SCAF8: variants seen among roughly 807,000 people sequenced by gnomAD.
SCAF8 encodes the protein SR-related CTD associated factor 8, also known as SR-related and CTD-associated factor 8.
Under a neutral mutation model 140.5 loss-of-function variants are expected in SCAF8, and 23 were observed. The observed-to-expected ratio is 0.16, with a 90% CI of 0.12 to 0.23. The LOEUF (loss-of-function observed/expected upper bound fraction) is 0.23. Among genes scored for constraint, SCAF8 ranks in the 10% least tolerant of loss-of-function variants. The pLI, the probability that SCAF8 is intolerant of heterozygous loss-of-function variation, is 1.00. For missense variants in SCAF8, 1,397 were observed against 1,555.7 expected (o/e 0.90, Z 1.72); for synonymous variants, 575 against 528.9 (o/e 1.09, Z -1.20).
intron 6 of SCAF8, among the ~76,000 whole-genome samples, chr6:154,795,362 C>T (rs1046415869): frequency 6.6e-6 from 1 of 152,162 alleles, no homozygotes; most frequent in African/African-American, 2.4e-5. Flanking sequence ...TACCAAAATA[C>T]GGAATTAGCA....
Position 154,802,134 on chromosome 6 carries a change from T to C in SCAF8, c.770T>C (p.Val257Ala), listed in dbSNP as rs1252316049. The change falls in exon 7 of 20, where the codon GTC becomes GCC. Residue 257 changes from valine to alanine, a missense_variant. Physicochemically the swap from Val to Ala is moderately conservative, Grantham distance 64. This residue lies in a region of SCAF8 where 339 missense variants were observed against 407.5 expected (regional missense o/e 0.83). Transcript: ENST00000367178. ...ACTCTTACTCCCTTAGAACAGGGAG[T>C]CTCCTTTAACAAGGTAGAAATTAAA... ...ANTLTPLEQGVSFNKKLMDRF... is the reference protein window; with the variant it reads ...ANTLTPLEQGASFNKKLMDRF... 1.9e-6 allele frequency: 3 copies of C among 1,590,990 alleles called. No homozygotes were observed. In the East Asian group the frequency reaches 6.8e-5, roughly 36 times the overall value.
At chr6:154,734,053 A>G in intron 1 of SCAF8, 123 bp downstream of exon 1, 1 of 1,355,250 alleles carries the variant, frequency 7.4e-7, no homozygotes, top group Non-Finnish European at 9.6e-7. Flanking sequence ...GCGGTGGCCT[A>G]GCAGTGCCCG....
At chr6:154,756,398 A>T (rs1305703895) in intron 1 of SCAF8, among the ~76,000 whole-genome samples, 1 of 152,178 alleles carries the variant, frequency 6.6e-6, no homozygotes, top group African/African-American at 2.4e-5. Flanking sequence ...CTCCCGCTCT[A>T]CCTCAGTAGA....
chr6:154,774,885 C>T (rs1464206159), intron 2 of SCAF8, among the ~76,000 whole-genome samples: 2 of 151,928 alleles, frequency 1.3e-5, no homozygotes, highest in Non-Finnish European at 2.9e-5. Context: ...AGATTTTTCC[C>T]CGAGAAGTTC....
At chr6:154,803,907 TTAATTG>T (rs1411799122) in intron 8 of SCAF8, among the ~76,000 whole-genome samples, 1 of 152,208 alleles carries the variant, frequency 6.6e-6, no homozygotes, top group Non-Finnish European at 1.5e-5. Context: ...GTTATTTAAC[TTAATTG>T]TAAGAGTGGT....
intron 1 of SCAF8, among the ~76,000 whole-genome samples, chr6:154,750,257 A>G (rs929058701): frequency 6.6e-6 from 1 of 152,214 alleles, no homozygotes; most frequent in East Asian, 1.9e-4. Context: ...TAGTTTGTAC[A>G]TCTTGAATAT....
intron 5 of SCAF8, 70 bp from the exon 6 acceptor site, chr6:154,794,939 A>ATT: frequency 7.3e-7 from 1 of 1,371,106 alleles, no homozygotes; most frequent in Admixed American, 2.4e-5. Flanking sequence ...AAAACAAGTT[A>ATT]TTCTGCTTTT....
chr6:154,773,956 T>C, intron 1 of SCAF8, 33 bp from the exon 2 acceptor site: 2 of 1,352,412 alleles, frequency 1.5e-6, no homozygotes, highest in African/African-American at 1.4e-5. Context: ...TTGGAGAGTT[T>C]TGCTGTATGT....
intron 1 of SCAF8, among the ~76,000 whole-genome samples, chr6:154,740,574 CAAT>C (rs1015752039): frequency 2.6e-5 from 4 of 151,694 alleles, no homozygotes; most frequent in African/African-American, 9.7e-5. Context: ...CACAGTATCT[CAAT>C]ATACAGTATA....
chr6:154,832,559 G>C lies in SCAF8; in HGVS notation c.2980G>C (p.Val994Leu). 6.2e-7 allele frequency: 1 copy of C among 1,614,074 alleles called. No individual in the cohort carries two copies. The highest frequency in any genetic ancestry group is 1.3e-5 in the African/African-American group (1 of 75,002). Residue 994 changes from valine (V) to leucine (L), a missense_variant, in exon 20 of 20, where the codon GTT (valine) becomes CTT (leucine). Coordinates refer to ENST00000367178, the MANE Select transcript of SCAF8 (RefSeq NM_014892.5). Reference protein sequence around the residue: ...LAPGRQSVDNVTNPEKRIPLG... With the variant: ...LAPGRQSVDNLTNPEKRIPLG... Reference sequence around the variant, plus strand: ...TCCTGGAAGACAAAGCGTAGACAATGTTACTAACCCAGAAAAAAGGATACC... The same window carrying C: ...TCCTGGAAGACAAAGCGTAGACAATCTTACTAACCCAGAAAAAAGGATACC...
At chr6:154,810,354 A>G (rs1778054343) in intron 12 of SCAF8, 146 bp downstream of exon 12, 2 of 562,782 alleles carry the variant, frequency 3.6e-6, no homozygotes, top group Non-Finnish European at 6.1e-6. Flanking sequence ...TTTTTGTAAC[A>G]TGATAGAGAA....
At chr6:154,759,582 T>C (rs958844856) in intron 1 of SCAF8, among the ~76,000 whole-genome samples, 1 of 152,050 alleles carries the variant, frequency 6.6e-6, no homozygotes, top group African/African-American at 2.4e-5. Flanking sequence ...TTTGGATTCG[T>C]CACAATAATC....
In SCAF8 at chr6:154,833,673, T is replaced by A; in HGVS notation, c.*278T>A. The A allele has an allele frequency of 3.5e-6, 1 of 287,454 alleles. No individual in the cohort carries two copies. Among genetic ancestry groups the A allele is most frequent in the East Asian group, 6.8e-5 (1 of 14,702 alleles). 17.8% of individuals were successfully genotyped at this position (287,454 alleles called of 1,614,324 possible). A position where few individuals can be genotyped will look rare whatever the true frequency, so the allele number is the denominator to read the frequency against. On this transcript the variant is annotated 3_prime_UTR_variant, in exon 20 of 20. Transcript: ENST00000367178. ...CGTCAAGGAAATGAATAACAGCTTG[T>A]CAGAGACTTCCTATGGAAGAAAGAA... is the stretch of plus-strand genomic sequence containing the variant.
rs765795106 is a variant in SCAF8, at chr6:154,787,936, C to A, written c.235C>A (p.Gln79Lys). Reference sequence around the variant, plus strand: ...GCGACAATCCCGACATCAGTTTGGTCAAGAAAAGGATGTGTTTGCACCCAG... The same window carrying A: ...GCGACAATCCCGACATCAGTTTGGTAAAGAAAAGGATGTGTTTGCACCCAG... Reference protein sequence around the residue: ...IVRQSRHQFGQEKDVFAPRFS... With the variant: ...IVRQSRHQFGKEKDVFAPRFS... The change falls in exon 4 of 20, where the codon CAA becomes AAA. Residue 79 changes from glutamine to lysine, a missense_variant. Around this residue, in one of 5 missense-constraint regions of SCAF8, gnomAD observed 43 missense variants for 142.1 expected, o/e 0.30. Transcript: ENST00000367178. The A allele has an allele frequency of 6.2e-7, 1 of 1,613,564 alleles. No individual in the cohort carries two copies. Among genetic ancestry groups the A allele is most frequent in the South Asian group, 1.1e-5 (1 of 91,044 alleles).
At chr6:154,800,828 A>G (rs1244920876) in intron 6 of SCAF8, among the ~76,000 whole-genome samples, 1 of 151,552 alleles carries the variant, frequency 6.6e-6, no homozygotes, top group Non-Finnish European at 1.5e-5. Context: ...AGGTGAAATT[A>G]TAGAATTAGT....
chr6:154,828,917 T>C (rs1366874581), intron 18 of SCAF8, among the ~76,000 whole-genome samples: 1 of 152,202 alleles, frequency 6.6e-6, no homozygotes, highest in African/African-American at 2.4e-5. Flanking sequence ...TCATACAATA[T>C]AGACATACAC....
intron 3 of SCAF8, among the ~76,000 whole-genome samples, chr6:154,786,935 G>T (rs1469148450): frequency 6.6e-6 from 1 of 152,210 alleles, no homozygotes; most frequent in African/African-American, 2.4e-5. Context: ...ATGTACCAGT[G>T]AAGGAAATTC....
intron 1 of SCAF8, among the ~76,000 whole-genome samples, chr6:154,754,716 T>G (rs571052496): frequency 1.0e-3 from 156 of 152,342 alleles, no homozygotes; most frequent in African/African-American, 3.5e-3. Context: ...TGAAATGGTT[T>G]TATCCTTCCT....
chr6:154,814,693 T>C (rs1160717942), intron 12 of SCAF8, among the ~76,000 whole-genome samples: 2 of 152,204 alleles, frequency 1.3e-5, no homozygotes, highest in Non-Finnish European at 2.9e-5. Flanking sequence ...ATATGAAAAT[T>C]CTGCAAAGGT....
Sources: allele counts gnomAD v4.1 joint callset (sites outside exome capture counted in the v4.1 genomes callset), GRCh38; gene constraint gnomAD v4.1.1; regional missense constraint gnomAD v4.1.1; transcripts MANE v1.5; gene names NCBI Gene and HGNC (gene_info 2026-07-23, HGNC 2026-07-21).